The following GRIK1 variants were observed in gnomAD, a reference collection of about 807,000 sequenced individuals.
The protein encoded by GRIK1 is glutamate ionotropic receptor kainate type subunit 1.
GRIK1 carries 69 observed loss-of-function variants against 105.7 expected under a neutral mutation model. The observed-to-expected ratio is 0.65, with a 90% CI of 0.54 to 0.80. The LOEUF is 0.80. Ranked by LOEUF, GRIK1 falls within the 30% of genes least tolerant of loss-of-function variation. The pLI, the probability that GRIK1 is intolerant of heterozygous loss-of-function variation, is 0.00. For synonymous variants in GRIK1, 438 were observed against 431.3 expected (o/e 1.02, Z -0.19); for missense variants, 1,109 against 1,167.3 (o/e 0.95, Z 0.73).
chr21:29,822,709 A>G (rs1481315661), intron 1 of GRIK1, among the ~76,000 whole-genome samples: 1 of 152,024 alleles, frequency 6.6e-6, no homozygotes, highest in Admixed American at 6.6e-5. Context: ...CGTCACCTAT[A>G]GAATAAAACC....
At chr21:29,874,073 G>A (rs1047479141) in intron 1 of GRIK1, among the ~76,000 whole-genome samples, 9 of 152,158 alleles carry the variant, frequency 5.9e-5, no homozygotes, top group African/African-American at 1.9e-4. Flanking sequence ...TGCGAGTGAC[G>A]GGGACTGACT....
intron 1 of GRIK1, among the ~76,000 whole-genome samples, chr21:29,695,476 C>CTATATATATA (rs146618561): frequency 1.4e-5 from 2 of 139,946 alleles, no homozygotes; most frequent in Non-Finnish European, 3.1e-5. Context: ...ATCTATCTAT[C>CTATATATATA]TATATATATA....
rs530553781 is a variant in GRIK1, at chr21:29,894,318, C to T, written c.118+45065G>A. Among the ~76,000 whole-genome samples, 23 of 152,208 alleles carry T rather than the reference C, an allele frequency of 1.5e-4. No homozygotes were observed. The South Asian group carries it at 3.7e-3, about 25-fold the overall frequency. The stretch of plus-strand genomic sequence containing the variant: ...AAAGTAGGGAAGCCAACAGTACAGC[C>T]TTCAATCTGTAGTCAAAGGCCCAAG... On this transcript the variant is annotated intron_variant, in intron 1 of 17. Coordinates refer to ENST00000327783, the MANE Select transcript of GRIK1 (RefSeq NM_001330994.2).
chr21:29,686,160 A>G (rs1195025370), intron 3 of GRIK1, among the ~76,000 whole-genome samples: 1 of 152,176 alleles, frequency 6.6e-6, no homozygotes, highest in Non-Finnish European at 1.5e-5. Context: ...TTTGGTCTTC[A>G]TTTTTGAAGC....
chr21:29,910,878 T>C (rs759977406), intron 1 of GRIK1, among the ~76,000 whole-genome samples: 1 of 145,816 alleles, frequency 6.9e-6, no homozygotes, highest in Non-Finnish European at 1.5e-5. Flanking sequence ...AGACAATTGA[T>C]TTTTTTTTTT....
At chr21:29,594,440 C>T (rs1380156503) in intron 9 of GRIK1, among the ~76,000 whole-genome samples, 1 of 151,908 alleles carries the variant, frequency 6.6e-6, no homozygotes, top group Non-Finnish European at 1.5e-5. Context: ...AGCGGAACCT[C>T]AGTTTTCAAG....
intron 1 of GRIK1, among the ~76,000 whole-genome samples, chr21:29,815,643 T>C (rs1223065640): frequency 1.3e-5 from 2 of 152,164 alleles, no homozygotes; most frequent in African/African-American, 2.4e-5. Context: ...AGAGCTCATA[T>C]AAAAAGAATG....
intron 1 of GRIK1, among the ~76,000 whole-genome samples, chr21:29,785,828 T>C (rs1472853277): frequency 4.6e-5 from 7 of 152,168 alleles, no homozygotes; most frequent in African/African-American, 1.7e-4. Context: ...TTTATCCCTC[T>C]GAGAGATTGG....
chr21:29,712,560 ACTT>A (rs1226880479), intron 1 of GRIK1, among the ~76,000 whole-genome samples: 3 of 152,144 alleles, frequency 2.0e-5, no homozygotes, highest in Non-Finnish European at 4.4e-5. Context: ...AAAAAAATCA[ACTT>A]CTGAGGAATA....
chr21:29,824,023 G>T (rs1171432697), intron 1 of GRIK1, among the ~76,000 whole-genome samples: 4 of 151,986 alleles, frequency 2.6e-5, no homozygotes, highest in Non-Finnish European at 5.9e-5. Context: ...ATATAATGGG[G>T]CAAGGTCAAA....
chr21:29,712,352 A>C (rs1229329859), intron 1 of GRIK1, among the ~76,000 whole-genome samples: 1 of 152,100 alleles, frequency 6.6e-6, no homozygotes, highest in Non-Finnish European at 1.5e-5. Flanking sequence ...ATTCTTGTGA[A>C]TAAAATGGTA....
chr21:29,537,673 T>G (rs1472959147), intron 17 of GRIK1, 125 bp downstream of exon 17: 1 of 765,600 alleles, frequency 1.3e-6, no homozygotes. Flanking sequence ...AATAGATAAC[T>G]TACCTTTGCT....
chr21:29,741,813 T>G (rs2064936816), intron 1 of GRIK1, among the ~76,000 whole-genome samples: 1 of 152,168 alleles, frequency 6.6e-6, no homozygotes, highest in Non-Finnish European at 1.5e-5. Context: ...ACAGGTCGAG[T>G]GGTAGAAAAT....
At chr21:29,913,868 A>G (rs773296250) in intron 1 of GRIK1, among the ~76,000 whole-genome samples, 51 of 151,618 alleles carry the variant, frequency 3.4e-4, no homozygotes, top group South Asian at 1.3e-3. Flanking sequence ...TTTATGGGTG[A>G]TAGCTGTCAT....
At chr21:29,743,554 G>A (rs1250579467) in intron 1 of GRIK1, among the ~76,000 whole-genome samples, 1 of 152,122 alleles carries the variant, frequency 6.6e-6, no homozygotes, top group East Asian at 1.9e-4. Flanking sequence ...AATTAGCTGG[G>A]CGTGGTAGCA....
At chr21:29,844,663 C>T (rs1353757102) in intron 1 of GRIK1, among the ~76,000 whole-genome samples, 1 of 152,190 alleles carries the variant, frequency 6.6e-6, no homozygotes, top group Non-Finnish European at 1.5e-5. Context: ...CTGGACTCCT[C>T]ACTCCGTAAA....
At chr21:29,697,187 C>T (rs1333079415) in intron 1 of GRIK1, among the ~76,000 whole-genome samples, 1 of 152,168 alleles carries the variant, frequency 6.6e-6, no homozygotes, top group East Asian at 1.9e-4. Flanking sequence ...TGTCTTGCTT[C>T]CCTTGGAGAA....
chr21:29,908,070 T>C (rs1475174412), intron 1 of GRIK1, among the ~76,000 whole-genome samples: 1 of 152,132 alleles, frequency 6.6e-6, no homozygotes, highest in Non-Finnish European at 1.5e-5. Flanking sequence ...TTAACATTTA[T>C]TGGGCACTTA....
intron 1 of GRIK1, among the ~76,000 whole-genome samples, chr21:29,863,595 A>G (rs1052980249): frequency 2.0e-5 from 3 of 152,182 alleles, no homozygotes; most frequent in Non-Finnish European, 4.4e-5. Context: ...TATTATGCAA[A>G]AGGAGAATTT....
Sources: gnomAD v4.1 joint callset for allele counts (sites outside exome capture counted in the v4.1 genomes callset) on GRCh38, gnomAD v4.1.1 for gene constraint, MANE v1.5 for transcripts, NCBI Gene and HGNC (gene_info 2026-07-23, HGNC 2026-07-21) for gene names.